Variants in MOBP observed in about 807,000 individuals in gnomAD.
The protein encoded by MOBP is myelin-associated oligodendrocyte basic protein.
MOBP carries 5 observed loss-of-function variants against 15.0 expected under a neutral mutation model. The observed-to-expected ratio is 0.33, with a 90% CI of 0.17 to 0.70. The LOEUF (loss-of-function observed/expected upper bound fraction) is 0.70. MOBP is among the 30% of genes least tolerant of loss of function. MOBP has a pLI of 0.67. For missense variants in MOBP, 188 were observed against 257.8 expected (o/e 0.73, Z 1.85); for synonymous variants, 88 against 99.0 (o/e 0.89, Z 0.66).
chr3:39,516,264 C>A (rs1249387921), downstream of MOBP, among the ~76,000 whole-genome samples: 1 of 152,100 alleles, frequency 6.6e-6, no homozygotes, highest in East Asian at 1.9e-4. Context: ...GGCACCTGAG[C>A]ATGTGAAAGT....
intron 2 of MOBP, among the ~76,000 whole-genome samples, chr3:39,490,147 A>G (rs1045855779): frequency 6.6e-6 from 1 of 152,176 alleles, no homozygotes; most frequent in Admixed American, 6.5e-5. Flanking sequence ...TGAATGCTTC[A>G]CTTTTTCTGT....
At chr3:39,481,568 C>G (rs958057353) in intron 2 of MOBP, among the ~76,000 whole-genome samples, 4 of 152,206 alleles carry the variant, frequency 2.6e-5, no homozygotes, top group Admixed American at 6.5e-5. Context: ...CTCAACAAAC[C>G]AGCCAAACAT....
At chr3:39,508,826 C>T (rs1277883841) in intron 4 of MOBP, among the ~76,000 whole-genome samples, 6 of 152,092 alleles carry the variant, frequency 3.9e-5, no homozygotes, top group African/African-American at 1.4e-4. Flanking sequence ...GGATTACAGG[C>T]ATAAGCCACC....
In MOBP at chr3:39,503,020, G is replaced by T; in HGVS notation, c.*140G>T. 1 of 565,486 alleles carries T rather than the reference G, an allele frequency of 1.8e-6. No homozygotes were observed. Among genetic ancestry groups the T allele is most frequent in the East Asian group, 3.0e-5 (1 of 32,922 alleles). The allele number at this position is 565,486 out of a possible 1,614,324, so 35.0% of individuals were successfully genotyped here. On this transcript the variant is annotated 3_prime_UTR_variant, in exon 4 of 4. Transcript: ENST00000684792. ...CAGCTCCCTCCATTAAATCCCCTCT[G>T]TTTGAAATACCTAGTGTGGCTTCTG...
At chr3:39,523,364 TA>T (rs1289977863) in intron 3 of MOBP, among the ~76,000 whole-genome samples, 1 of 152,232 alleles carries the variant, frequency 6.6e-6, no homozygotes, top group Non-Finnish European at 1.5e-5. Context: ...ATTGCTCTTT[TA>T]TTATTCTTGA....
chr3:39,497,256 G>A (rs1559422334), intron 2 of MOBP, among the ~76,000 whole-genome samples: 1 of 152,202 alleles, frequency 6.6e-6, no homozygotes, highest in Non-Finnish European at 1.5e-5. Flanking sequence ...CCCGGACAGG[G>A]ACCCTTCTGG....
rs544979840 is a variant in MOBP, at chr3:39,498,805, G to A, written c.-4-3261G>A. Among the ~76,000 whole-genome samples the A allele has an allele frequency of 1.4e-3, 207 of 152,246 alleles. No homozygotes were observed. In the Middle Eastern group the frequency reaches 0.027, roughly 20 times the overall value. ...TGGTCGGGGGAGACAGGGAGTGAGG[G>A]AAGTTGTCATGGAGTAAGAAACAAT... On this transcript the variant is annotated intron_variant, in intron 2 of 3. Coordinates refer to ENST00000684792, the MANE Select transcript of MOBP (RefSeq NM_001393704.1).
intron 2 of MOBP, among the ~76,000 whole-genome samples, chr3:39,495,154 A>G (rs1307951994): frequency 6.6e-6 from 1 of 152,218 alleles, no homozygotes. Context: ...CAGTCTTTGC[A>G]AGCACACGTA....
chr3:39,527,860 C>T (rs1349020402), downstream of MOBP: 4 of 152,214 alleles, frequency 2.6e-5, no homozygotes, highest in South Asian at 2.1e-4. Context: ...GCTGGGGCTT[C>T]CTTCCTTTCA....
At chr3:39,472,686 G>T (rs747885810) in intron 1 of MOBP, among the ~76,000 whole-genome samples, 18 of 152,206 alleles carry the variant, frequency 1.2e-4, no homozygotes, top group Admixed American at 2.0e-4. Flanking sequence ...AGCACTTTGG[G>T]AGGCTGAGGC....
At chr3:39,528,383 C>T (rs2043357088), downstream of MOBP, 1 of 137,006 alleles carries the variant, frequency 7.3e-6, no homozygotes, top group Admixed American at 7.0e-5. Flanking sequence ...GATTCCATAC[C>T]TCAAGCTAGG....
intron 1 of MOBP, among the ~76,000 whole-genome samples, chr3:39,478,081 A>G (rs2042567785): frequency 6.6e-6 from 1 of 152,198 alleles, no homozygotes; most frequent in Admixed American, 6.5e-5. Flanking sequence ...TATAGCATTT[A>G]TAAAGTCTAT....
At chr3:39,480,713 C>T (rs944601322) in intron 2 of MOBP, among the ~76,000 whole-genome samples, 3 of 152,162 alleles carry the variant, frequency 2.0e-5, no homozygotes, top group South Asian at 2.1e-4. Flanking sequence ...TCTCCTCCTT[C>T]GCTGATGGTT....
intron 2 of MOBP, among the ~76,000 whole-genome samples, chr3:39,493,170 A>C (rs986439883): frequency 6.6e-6 from 1 of 152,194 alleles, no homozygotes; most frequent in Non-Finnish European, 1.5e-5. Context: ...AAGGGTGGGA[A>C]GAAGGGCAAA....
chr3:39,482,226 AC>A (rs1469648697), intron 2 of MOBP, among the ~76,000 whole-genome samples: 1 of 152,128 alleles, frequency 6.6e-6, no homozygotes, highest in Non-Finnish European at 1.5e-5. Flanking sequence ...CTTATGTGCA[AC>A]GAATTACCAA....
At chr3:39,491,242 T>A (rs984122118) in intron 2 of MOBP, among the ~76,000 whole-genome samples, 2 of 152,206 alleles carry the variant, frequency 1.3e-5, no homozygotes, top group Non-Finnish European at 2.9e-5. Flanking sequence ...CCATCTCCCC[T>A]GTATAAACAG....
intron 2 of MOBP, among the ~76,000 whole-genome samples, chr3:39,496,782 G>T (rs10049159): frequency 1.9e-4 from 29 of 152,046 alleles, no homozygotes; most frequent in Non-Finnish European, 3.4e-4. Flanking sequence ...TCCTGCCTCA[G>T]CCTCTCAAGT....
rs939202661 is a variant in MOBP, at chr3:39,502,760, A to G, written c.432A>G (p.Arg144=). 2 of 1,535,044 alleles carry G rather than the reference A, an allele frequency of 1.3e-6. No individual in the cohort carries two copies. Among genetic ancestry groups the G allele is most frequent in the East Asian group, 2.4e-5 (1 of 40,872 alleles). ...AGCCACGTCCCCGCCCAGAGGTCCG[A>G]CCACCGCCAGCCAAGCAGCGTCCCC... ...ERQPRPRPEV[R]PPPAKQRPPQ... Residue 144 remains arginine (R), a synonymous_variant, in exon 4 of 4, where the codon CGA becomes CGG. Transcript: ENST00000684792. This position sits in a 1 kb window ranked among gnomAD's most constrained non-coding sequence, Gnocchi z 6.3.
At chr3:39,473,582 A>G (rs2042500702) in intron 1 of MOBP, among the ~76,000 whole-genome samples, 1 of 152,156 alleles carries the variant, frequency 6.6e-6, no homozygotes, top group Non-Finnish European at 1.5e-5. Context: ...TTCAACTTGT[A>G]AGAGCTCAAT....
Sources: gnomAD v4.1 joint callset for allele counts (sites outside exome capture counted in the v4.1 genomes callset) on GRCh38, gnomAD v4.1.1 for gene constraint, Gnocchi (gnomAD v3.1) non-coding constraint, MANE v1.5 for transcripts, NCBI Gene and HGNC (gene_info 2026-07-23, HGNC 2026-07-21) for gene names.